NRG3: variants seen among roughly 807,000 people sequenced by gnomAD.
The protein encoded by NRG3 is neuregulin 3.
In NRG3, 31 loss-of-function variants were observed where a neutral mutation model predicts 66.9. The ratio of observed to expected loss-of-function variants is 0.46; its 90% CI spans 0.35 to 0.63. NRG3 has a LOEUF of 0.63. Among genes scored for constraint, NRG3 ranks in the 20% least tolerant of loss-of-function variants. NRG3 has a pLI of 0.00. For missense variants in NRG3, 910 were observed against 878.9 expected (o/e 1.04, Z -0.45); for synonymous variants, 393 against 359.4 (o/e 1.09, Z -1.06).
Position 82,734,592 on chromosome 10 carries a change from G to A in NRG3, c.954-3985G>A, listed in dbSNP as rs549712720. 7.2e-5 allele frequency among the ~76,000 whole-genome samples: 11 copies of A among 152,138 alleles called. No homozygotes were observed. The South Asian group carries it at 1.5e-3, about 20-fold the overall frequency. On this transcript the variant is annotated intron_variant, in intron 2 of 8. Transcript: ENST00000372141. Reference sequence around the variant, plus strand: ...GTGAGGGACCAATCTCTCTTATTCTGTGTTTTCTTACCATCTCTTCCACCA... The same window carrying A: ...GTGAGGGACCAATCTCTCTTATTCTATGTTTTCTTACCATCTCTTCCACCA...
intron 4 of NRG3, among the ~76,000 whole-genome samples, chr10:82,872,732 G>GA (rs11395934): frequency 0.18 from 26,695 of 145,678 alleles, 2,432 homozygotes; most frequent in Middle Eastern, 0.27. Context: ...GATACGATAT[G>GA]AAAAAAAAAA....
At chr10:82,679,209 G>C (rs1244045076) in intron 2 of NRG3, among the ~76,000 whole-genome samples, 1 of 152,142 alleles carries the variant, frequency 6.6e-6, no homozygotes, top group Non-Finnish European at 1.5e-5. Flanking sequence ...TCTGACTCTG[G>C]ACTGTTGTAT....
chr10:81,926,359 A>C (rs2132932684), intron 1 of NRG3, among the ~76,000 whole-genome samples: 1 of 152,122 alleles, frequency 6.6e-6, no homozygotes. Context: ...GACGTCAAGT[A>C]ATACATCCGC....
At chr10:82,662,839 C>T (rs2052472007) in intron 2 of NRG3, among the ~76,000 whole-genome samples, 1 of 152,124 alleles carries the variant, frequency 6.6e-6, no homozygotes, top group Admixed American at 6.5e-5. Flanking sequence ...CCTTTGAGGC[C>T]ACATGGTTCT....
intron 4 of NRG3, among the ~76,000 whole-genome samples, chr10:82,871,278 A>C (rs1269614881): frequency 2.9e-5 from 3 of 103,212 alleles, no homozygotes; most frequent in Middle Eastern, 4.4e-3. Flanking sequence ...CCATTAAACT[A>C]TTTGTCTTTT....
chr10:82,298,253 G>A (rs1315542166), intron 1 of NRG3, among the ~76,000 whole-genome samples: 3 of 151,206 alleles, frequency 2.0e-5, no homozygotes, highest in African/African-American at 7.3e-5. Context: ...AAGAGATGGA[G>A]GGAGGGAGGG....
At chr10:82,098,510 A>G (rs918878734) in intron 1 of NRG3, among the ~76,000 whole-genome samples, 3 of 152,044 alleles carry the variant, frequency 2.0e-5, no homozygotes, top group South Asian at 2.1e-4. Flanking sequence ...TCCACATACA[A>G]TCTGTGTTAG....
intron 1 of NRG3, among the ~76,000 whole-genome samples, chr10:81,888,038 A>G (rs944702771): frequency 1.3e-5 from 2 of 152,172 alleles, no homozygotes; most frequent in African/African-American, 4.8e-5. Context: ...GGCCTTTACC[A>G]CTTCATGCAA....
At chr10:82,437,165 G>A (rs935112856) in intron 2 of NRG3, among the ~76,000 whole-genome samples, 2 of 151,852 alleles carry the variant, frequency 1.3e-5, no homozygotes, top group Non-Finnish European at 2.9e-5. Context: ...TTCTCCTTCT[G>A]GTACTCCAAT....
Position 82,428,518 on chromosome 10 carries a change from C to T in NRG3, c.953+69650C>T, listed in dbSNP as rs2089594652. On this transcript the variant is annotated intron_variant, in intron 2 of 8. Transcript: ENST00000372141. ...TTACTTACATATATTTGTGAATTTCCTAAATGTCCTTTAGTTAATGATTTC... is the reference window on the plus strand; with the variant it reads ...TTACTTACATATATTTGTGAATTTCTTAAATGTCCTTTAGTTAATGATTTC... 3.9e-5 allele frequency among the ~76,000 whole-genome samples: 6 copies of T among 151,900 alleles called. No individual in the cohort carries two copies. The South Asian group carries it at 1.0e-3, about 26-fold the overall frequency.
intron 1 of NRG3, among the ~76,000 whole-genome samples, chr10:82,348,238 C>T (rs916992937): frequency 5.3e-5 from 8 of 152,212 alleles, no homozygotes; most frequent in Admixed American, 3.9e-4. Flanking sequence ...GCGCTTCCTT[C>T]AACAGCTCTT....
At chr10:82,640,753 A>G (rs954272524) in intron 2 of NRG3, among the ~76,000 whole-genome samples, 1 of 152,182 alleles carries the variant, frequency 6.6e-6, no homozygotes, top group Non-Finnish European at 1.5e-5. Flanking sequence ...ATTAAACATG[A>G]TTGGATATTA....
At chr10:82,294,081 A>G (rs553865944) in intron 1 of NRG3, among the ~76,000 whole-genome samples, 2 of 152,212 alleles carry the variant, frequency 1.3e-5, no homozygotes, top group East Asian at 1.9e-4. Flanking sequence ...ATCCCATCCT[A>G]TGCTCTCCCT....
intron 2 of NRG3, among the ~76,000 whole-genome samples, chr10:82,389,254 A>G (rs2086201108): frequency 6.6e-6 from 1 of 152,202 alleles, no homozygotes; most frequent in African/African-American, 2.4e-5. Context: ...TGCTTTGTCC[A>G]TGCTGACAGG....
intron 2 of NRG3, among the ~76,000 whole-genome samples, chr10:82,580,960 G>C (rs1188875575): frequency 6.6e-6 from 1 of 150,984 alleles, no homozygotes; most frequent in Admixed American, 6.6e-5. Flanking sequence ...CAACTCATTT[G>C]AGTCAGCACC....
At chr10:81,943,232 A>T (rs1417068265) in intron 1 of NRG3, among the ~76,000 whole-genome samples, 2 of 152,076 alleles carry the variant, frequency 1.3e-5, no homozygotes, top group African/African-American at 4.8e-5. Context: ...CATGAAAAAA[A>T]TAGCCAGGTA....
At chr10:82,398,520 T>TGAGA (rs1241113136) in intron 2 of NRG3, among the ~76,000 whole-genome samples, 1,515 of 125,360 alleles carry the variant, frequency 0.012, 7 homozygotes, top group Non-Finnish European at 0.018. Flanking sequence ...TGTGTGTGTG[T>TGAGA]GTGTGTGAGA....
At chr10:82,792,060 T>C (rs1258215851) in intron 3 of NRG3, among the ~76,000 whole-genome samples, 4 of 152,334 alleles carry the variant, frequency 2.6e-5, no homozygotes, top group Non-Finnish European at 5.9e-5. Context: ...GGTTTTGTTG[T>C]TGTCATTTTT....
chr10:82,230,850 A>G (rs2076420031), intron 1 of NRG3, among the ~76,000 whole-genome samples: 1 of 152,190 alleles, frequency 6.6e-6, no homozygotes, highest in South Asian at 2.1e-4. Context: ...TTATAGCTGA[A>G]GGCAAAAAAA....
Sources: allele counts gnomAD v4.1 joint callset (sites outside exome capture counted in the v4.1 genomes callset), GRCh38; gene constraint gnomAD v4.1.1; transcripts MANE v1.5; gene names NCBI Gene and HGNC (gene_info 2026-07-23, HGNC 2026-07-21).